EPM2A: variants seen among roughly 807,000 people sequenced by gnomAD.
The protein encoded by EPM2A is laforin.
Under a neutral mutation model 26.5 loss-of-function variants are expected in EPM2A, and 21 were observed. That is an observed-to-expected ratio of 0.79 (90% confidence interval 0.56 to 1.14). EPM2A has a LOEUF of 1.14. Ranked by LOEUF, EPM2A falls within the 50% of genes most tolerant of loss-of-function variation. The probability of loss-of-function intolerance (pLI) is 0.00; values close to 1 mark genes in which losing one functional copy is unlikely to be tolerated. For synonymous variants in EPM2A, 217 were observed against 177.6 expected, an observed-to-expected ratio of 1.22 and a Z score of -1.76; for missense variants, 458 against 440.8, an observed-to-expected ratio of 1.04 and a Z score of -0.35.
At chr6:145,631,006 GC>G (rs1057120617) in intron 3 of EPM2A, 2 of 152,128 alleles carry the variant, frequency 1.3e-5, no homozygotes, top group African/African-American at 4.8e-5. Context: ...GTATTTGTTG[GC>G]CCCCATCTTG....
intron 1 of EPM2A, among the ~76,000 whole-genome samples, chr6:145,687,168 A>C (rs1583055927): frequency 6.6e-6 from 1 of 152,270 alleles, no homozygotes; most frequent in East Asian, 1.9e-4. Context: ...TGGGGCCTTT[A>C]GGAGATGATT....
intron 2 of EPM2A, among the ~76,000 whole-genome samples, chr6:145,678,944 T>A (rs766976670): frequency 2.0e-5 from 3 of 152,148 alleles, no homozygotes; most frequent in Non-Finnish European, 4.4e-5. Flanking sequence ...TAAAGACACA[T>A]GCACACGTAT....
intron 2 of EPM2A, among the ~76,000 whole-genome samples, chr6:145,662,228 G>T (rs532923519): frequency 6.6e-6 from 1 of 152,040 alleles, no homozygotes; most frequent in Non-Finnish European, 1.5e-5. Flanking sequence ...AAACATACAA[G>T]TAGCTATATA....
chr6:145,563,421 A>T (rs1258325054), intron 2 of EPM2A, among the ~76,000 whole-genome samples: 3 of 151,878 alleles, frequency 2.0e-5, no homozygotes, highest in African/African-American at 7.3e-5. Context: ...TGAGGAACAG[A>T]AAGAGGCCAG....
intron 4 of EPM2A, chr6:145,490,302 C>G: frequency 6.8e-7 from 1 of 1,463,358 alleles, no homozygotes; most frequent in Non-Finnish European, 9.2e-7. Context: ...TTGAACTGGT[C>G]CCAGCTGTTA....
intron 4 of EPM2A, among the ~76,000 whole-genome samples, chr6:145,401,200 CA>C (rs56375580): frequency 0.24 from 35,834 of 151,522 alleles, 5,190 homozygotes; most frequent in Non-Finnish European, 0.32. Context: ...CCCAATATGA[CA>C]AAAAAAATTA....
chr6:145,409,956 A>AGTT (rs1353025128), intron 4 of EPM2A, among the ~76,000 whole-genome samples: 1 of 152,228 alleles, frequency 6.6e-6, no homozygotes, highest in Non-Finnish European at 1.5e-5. Context: ...CCAAGGTGAC[A>AGTT]GTTACTATGC....
chr6:145,490,608 T>C (rs987190417), intron 4 of EPM2A: 2 of 671,636 alleles, frequency 3.0e-6, no homozygotes, highest in Non-Finnish European at 5.7e-6. Context: ...GCTGTTTCCA[T>C]GTGCTCTCCC....
intron 2 of EPM2A, among the ~76,000 whole-genome samples, chr6:145,535,110 A>C (rs1780413369): frequency 6.6e-6 from 1 of 152,208 alleles, no homozygotes; most frequent in African/African-American, 2.4e-5. Flanking sequence ...GAATAGATGA[A>C]TCTTTCTTCC....
At chr6:145,477,163 A>G (rs1779553430) in intron 4 of EPM2A, among the ~76,000 whole-genome samples, 1 of 151,882 alleles carries the variant, frequency 6.6e-6, no homozygotes, top group Admixed American at 6.6e-5. Context: ...ACTATGAGCA[A>G]CTATATGCTG....
At chr6:145,493,400 A>C (rs1400538300) in intron 4 of EPM2A, among the ~76,000 whole-genome samples, 1 of 152,136 alleles carries the variant, frequency 6.6e-6, no homozygotes, top group African/African-American at 2.4e-5. Flanking sequence ...GATATGTTGG[A>C]ATTTTCTAGA....
At chr6:145,614,885 A>T (rs1051647332) in intron 2 of EPM2A, among the ~76,000 whole-genome samples, 2 of 152,246 alleles carry the variant, frequency 1.3e-5, no homozygotes, top group Non-Finnish European at 2.9e-5. Flanking sequence ...ACATGCTGTT[A>T]GAAAAATGTC....
intron 4 of EPM2A, among the ~76,000 whole-genome samples, chr6:145,465,155 T>C (rs988770602): frequency 1.3e-5 from 2 of 152,056 alleles, no homozygotes; most frequent in African/African-American, 4.8e-5. Flanking sequence ...CCCATATTTC[T>C]TGGAGGCTTT....
chr6:145,582,161 ATTTT>A (rs201976676), intron 2 of EPM2A, among the ~76,000 whole-genome samples: 1 of 151,452 alleles, frequency 6.6e-6, no homozygotes, highest in Non-Finnish European at 1.5e-5. Context: ...TTAGATTCAA[ATTTT>A]TTTTTATTTC....
intron 2 of EPM2A, among the ~76,000 whole-genome samples, chr6:145,551,514 A>G (rs1408876320): frequency 6.6e-6 from 1 of 151,970 alleles, no homozygotes; most frequent in East Asian, 1.9e-4. Flanking sequence ...TTGACACTGG[A>G]TGAAAGAAAA....
At chr6:145,588,377 A>C (rs1781226572) in intron 2 of EPM2A, among the ~76,000 whole-genome samples, 1 of 152,240 alleles carries the variant, frequency 6.6e-6, no homozygotes, top group Non-Finnish European at 1.5e-5. Context: ...ATTAGAGAAG[A>C]GAATTGAAAT....
At chr6:145,400,033 A>G (rs752125641) in intron 4 of EPM2A, among the ~76,000 whole-genome samples, 4 of 152,176 alleles carry the variant, frequency 2.6e-5, no homozygotes, top group Non-Finnish European at 5.9e-5. Context: ...AAAAGGTTTT[A>G]AGGGTTGATG....
chr6:145,732,721 G>T (rs910225770), intron 1 of EPM2A, among the ~76,000 whole-genome samples: 1 of 152,114 alleles, frequency 6.6e-6, no homozygotes, highest in African/African-American at 2.4e-5. Context: ...ATTTTTCCTT[G>T]CAGTGGTACA....
intron 1 of EPM2A, among the ~76,000 whole-genome samples, chr6:145,696,061 A>T (rs1418130719): frequency 6.6e-6 from 1 of 152,144 alleles, no homozygotes; most frequent in Non-Finnish European, 1.5e-5. Flanking sequence ...CAGAAGACTG[A>T]AATCATATCC....
Sources: allele counts gnomAD v4.1 joint callset (sites outside exome capture counted in the v4.1 genomes callset), GRCh38; gene constraint gnomAD v4.1.1; transcripts MANE v1.5; gene names NCBI Gene and HGNC (gene_info 2026-07-23, HGNC 2026-07-21).